The following DIS3L2 variants were observed in gnomAD, a reference collection of about 807,000 sequenced individuals.
The protein encoded by DIS3L2 is DIS3-like exonuclease 2.
A neutral mutation model predicts 97.5 loss-of-function variants in DIS3L2; 34 were observed. The observed-to-expected ratio is 0.35, with a 90% CI of 0.27 to 0.46. The LOEUF (loss-of-function observed/expected upper bound fraction) is 0.46, where lower values mean the gene tolerates loss of function less well. Ranked by LOEUF, DIS3L2 falls within the 20% of genes least tolerant of loss-of-function variation. The pLI, the probability that DIS3L2 is intolerant of heterozygous loss-of-function variation, is 1.00. For missense variants in DIS3L2, 1,038 were observed against 1,146.0 expected (o/e 0.91, Z 1.36); for synonymous variants, 435 against 445.2 (o/e 0.98, Z 0.29).
chr2:232,003,944 C>T (rs1693976100), intron 1 of DIS3L2, among the ~76,000 whole-genome samples: 1 of 152,020 alleles, frequency 6.6e-6, no homozygotes, highest in Non-Finnish European at 1.5e-5. Context: ...AACAATTTTC[C>T]TTTTTGGGGT....
rs1694663656 is a variant in DIS3L2 at position 232,293,971 on chromosome 2, C to A, written c.1660-6069C>A. On this transcript the variant is annotated intron_variant, in intron 13 of 20. Coordinates refer to ENST00000325385, the MANE Select transcript of DIS3L2 (RefSeq NM_152383.5). The surrounding 1 kb of genome is among the most constrained non-coding windows in gnomAD (Gnocchi z 4.6). ...AATTACACAAGGGCAGTAGAGGGCCCGGAGGTGGCAGGGACCAGGCCTGCC... is the reference window on the plus strand; with the variant it reads ...AATTACACAAGGGCAGTAGAGGGCCAGGAGGTGGCAGGGACCAGGCCTGCC... Among the ~76,000 whole-genome samples the A allele has an allele frequency of 6.6e-6, 1 of 152,274 alleles. No individual in the cohort carries two copies. The highest frequency in any genetic ancestry group is 2.1e-4 in the South Asian group (1 of 4,828).
At chr2:232,287,734 C>A (rs999455324) in intron 13 of DIS3L2, among the ~76,000 whole-genome samples, 1 of 152,116 alleles carries the variant, frequency 6.6e-6, no homozygotes, top group African/African-American at 2.4e-5. Context: ...CAAATACCCT[C>A]CATTTGGTCT....
chr2:232,250,739 G>A (rs1693393577), intron 12 of DIS3L2, among the ~76,000 whole-genome samples: 1 of 152,178 alleles, frequency 6.6e-6, no homozygotes, highest in Non-Finnish European at 1.5e-5. Context: ...CACCTTGGGG[G>A]AGATTGAGTG....
chr2:232,335,678 C>T (rs1674717942), intron 19 of DIS3L2, 95 bp from the exon 20 acceptor site: 1 of 1,405,394 alleles, frequency 7.1e-7, no homozygotes, highest in Non-Finnish European at 9.7e-7. Flanking sequence ...GGGCCGAGGG[C>T]TGAGGGCCGC....
At chr2:232,256,577 C>T (rs373245924) in intron 12 of DIS3L2, among the ~76,000 whole-genome samples, 2 of 152,118 alleles carry the variant, frequency 1.3e-5, no homozygotes, top group East Asian at 1.9e-4. Flanking sequence ...CTTTTTTCTT[C>T]GGTTCCAACC....
chr2:232,086,535 C>G (rs1451113113), intron 5 of DIS3L2, among the ~76,000 whole-genome samples: 1 of 144,372 alleles, frequency 6.9e-6, no homozygotes, highest in Non-Finnish European at 1.5e-5. Flanking sequence ...TTTGTGGAAC[C>G]ATTAGTGGCA....
intron 5 of DIS3L2, among the ~76,000 whole-genome samples, chr2:232,077,955 C>CCCTT (rs1315257446): frequency 6.9e-4 from 75 of 108,810 alleles, no homozygotes; most frequent in East Asian, 1.7e-3. Context: ...TTCTTTCTTT[C>CCCTT]TCTTTCTTTC....
At chr2:232,016,151 G>A (rs1694348856) in intron 3 of DIS3L2, among the ~76,000 whole-genome samples, 1 of 152,180 alleles carries the variant, frequency 6.6e-6, no homozygotes, top group African/African-American at 2.4e-5. Context: ...AAATGGATGA[G>A]GTTGGAAAGG....
chr2:232,242,978 G>A (rs1693142941), intron 11 of DIS3L2, among the ~76,000 whole-genome samples: 3 of 152,200 alleles, frequency 2.0e-5, no homozygotes, highest in Admixed American at 2.0e-4. Context: ...ACAGATTCTG[G>A]TCTTGCCCTG....
intron 6 of DIS3L2, 40 bp from the exon 7 acceptor site, chr2:232,130,579 G>T: frequency 6.3e-7 from 1 of 1,586,942 alleles, no homozygotes; most frequent in Non-Finnish European, 8.6e-7. Flanking sequence ...ATATGCATCT[G>T]GTTGATGACT....
chr2:232,118,754 C>G (rs1231336376), intron 6 of DIS3L2, among the ~76,000 whole-genome samples: 1 of 152,226 alleles, frequency 6.6e-6, no homozygotes, highest in Non-Finnish European at 1.5e-5. Flanking sequence ...TCTATGTAAC[C>G]TGGCTGGAGT....
chr2:232,310,790 G>A (rs1241569432), intron 14 of DIS3L2, among the ~76,000 whole-genome samples: 4 of 152,214 alleles, frequency 2.6e-5, no homozygotes, highest in African/African-American at 9.7e-5. Context: ...CACAGAAGTG[G>A]CACTGAGTTG....
chr2:232,259,982 G>A (rs1179691741), intron 12 of DIS3L2: 2 of 152,172 alleles, frequency 1.3e-5, no homozygotes, highest in African/African-American at 4.8e-5. Context: ...TTATGTGAAA[G>A]CAAATGCCCG....
intron 5 of DIS3L2, among the ~76,000 whole-genome samples, chr2:232,065,923 A>G (rs1285315838): frequency 6.6e-6 from 1 of 150,940 alleles, no homozygotes; most frequent in Non-Finnish European, 1.5e-5. Context: ...TGATACTATG[A>G]TAATTGAAAT....
intron 13 of DIS3L2, among the ~76,000 whole-genome samples, chr2:232,342,767 G>A (rs924059398): frequency 5.9e-5 from 9 of 152,180 alleles, no homozygotes; most frequent in Non-Finnish European, 1.3e-4. Context: ...GAACCTCTAG[G>A]CTCATGTGTG....
At chr2:232,050,163 C>A (rs72989606) in intron 5 of DIS3L2, among the ~76,000 whole-genome samples, 2,218 of 152,260 alleles carry the variant, frequency 0.015, 23 homozygotes, top group Non-Finnish European at 0.021. Context: ...ATTGATTTCC[C>A]TTTTCTTTGT....
rs1187281709 is a variant in DIS3L2, at chr2:232,263,326, C to G, written c.1545C>G (p.Pro515=). ...AAATCCCTGCGAAAGAGCTGCCCCC[C>G]ATTTCCCCAGAGCATAGCAGCGAGG... ...TEKIPAKELP[P]ISPEHSSEEV... is the part of the protein sequence containing the mutation. Residue 515 remains proline (P), a synonymous_variant, in exon 13 of 21, where the codon CCC becomes CCG. Coordinates refer to ENST00000325385, the MANE Select transcript of DIS3L2 (RefSeq NM_152383.5). 2 of 1,614,220 alleles carry G rather than the reference C, an allele frequency of 1.2e-6. No homozygotes were observed. Among genetic ancestry groups the G allele is most frequent in the Non-Finnish European group, 1.7e-6 (2 of 1,180,040 alleles).
chr2:232,342,180 C>T (rs902645660), downstream of DIS3L2, among the ~76,000 whole-genome samples: 1 of 150,966 alleles, frequency 6.6e-6, no homozygotes, highest in African/African-American at 2.5e-5. Context: ...CACATATATA[C>T]ACGTATACAT....
chr2:232,248,918 C>T (rs1328312983), intron 11 of DIS3L2, among the ~76,000 whole-genome samples: 1 of 152,206 alleles, frequency 6.6e-6, no homozygotes, highest in Non-Finnish European at 1.5e-5. Flanking sequence ...GTGCTTATAT[C>T]CAAAAGCACA....
Sources: gnomAD v4.1 joint callset for allele counts (sites outside exome capture counted in the v4.1 genomes callset) on GRCh38, gnomAD v4.1.1 for gene constraint, Gnocchi (gnomAD v3.1) non-coding constraint, MANE v1.5 for transcripts, NCBI Gene and HGNC (gene_info 2026-07-23, HGNC 2026-07-21) for gene names.